Variants in GLI2 observed in about 807,000 individuals in gnomAD.
The protein encoded by GLI2 is GLI family zinc finger 2, also known as transcription activator GLI2.
A neutral mutation model predicts 78.9 loss-of-function variants in GLI2; 22 were observed. The observed-to-expected ratio is 0.28, with a 90% CI of 0.20 to 0.40. The LOEUF (loss-of-function observed/expected upper bound fraction) is 0.40. Among genes scored for constraint, GLI2 ranks in the 10% least tolerant of loss-of-function variants. GLI2 has a pLI of 1.00. For synonymous variants in GLI2, 974 were observed against 963.7 expected, an observed-to-expected ratio of 1.01 and a Z score of -0.20; for missense variants, 2,097 against 2,213.2, an observed-to-expected ratio of 0.95 and a Z score of 1.05.
chr2:120,921,622 A>G (rs1005831529), intron 2 of GLI2, among the ~76,000 whole-genome samples: 5 of 152,202 alleles, frequency 3.3e-5, no homozygotes, highest in Non-Finnish European at 1.5e-5. Flanking sequence ...CCAAAGTCCC[A>G]TGGCCACCTA....
At chr2:120,931,587 A>G (rs1402463155) in intron 3 of GLI2, among the ~76,000 whole-genome samples, 1 of 152,238 alleles carries the variant, frequency 6.6e-6, no homozygotes, top group African/African-American at 2.4e-5. Context: ...CAGCCTGTAG[A>G]ATACAGTAAA....
chr2:120,920,735 G>A (rs1679330994), intron 2 of GLI2, among the ~76,000 whole-genome samples: 1 of 151,478 alleles, frequency 6.6e-6, no homozygotes, highest in Non-Finnish European at 1.5e-5. Context: ...CCAGAGGGGA[G>A]TGATGATCCA....
intron 2 of GLI2, among the ~76,000 whole-genome samples, chr2:120,855,666 CAGGCACTGCTT>C (rs543870745): frequency 9.7e-4 from 148 of 152,346 alleles, no homozygotes; most frequent in East Asian, 4.6e-3. Flanking sequence ...CTTAGGGTTC[CAGGCACTGCTT>C]GGTTTTCCAT....
At chr2:120,820,767 T>C (rs1229887978) in intron 2 of GLI2, among the ~76,000 whole-genome samples, 1 of 152,112 alleles carries the variant, frequency 6.6e-6, no homozygotes, top group African/African-American at 2.4e-5. Flanking sequence ...GGAAGGGGAC[T>C]GACTTCTTTA....
intron 11 of GLI2, among the ~76,000 whole-genome samples, chr2:120,984,195 T>C (rs1025278328): frequency 2.6e-5 from 4 of 152,106 alleles, no homozygotes; most frequent in African/African-American, 9.7e-5. Context: ...AGCATTGTGA[T>C]TACACGAGGC....
intron 1 of GLI2, among the ~76,000 whole-genome samples, chr2:120,786,355 C>T (rs1013982218): frequency 2.0e-5 from 3 of 152,116 alleles, no homozygotes; most frequent in African/African-American, 7.2e-5. Context: ...CCTTGATCTG[C>T]AGACATCTCC....
chr2:120,877,575 G>T (rs1015047739), intron 2 of GLI2, among the ~76,000 whole-genome samples: 3 of 152,156 alleles, frequency 2.0e-5, no homozygotes, highest in African/African-American at 7.2e-5. Context: ...ACTTCTGAGA[G>T]CATAGCTTGG....
intron 1 of GLI2, 149 bp from the exon 2 acceptor site, chr2:120,797,142 T>G: frequency 1.4e-6 from 1 of 698,808 alleles, no homozygotes; most frequent in Non-Finnish European, 2.5e-6. Flanking sequence ...CTAATAATTC[T>G]CAAAATTAAT....
At chr2:120,760,030 G>A (rs1683166904) in intron 1 of GLI2, among the ~76,000 whole-genome samples, 1 of 152,248 alleles carries the variant, frequency 6.6e-6, no homozygotes, top group South Asian at 2.1e-4. Flanking sequence ...CTTGGATGAG[G>A]GAGGGGCTTT....
chr2:120,850,903 G>C (rs1216943562), intron 2 of GLI2, among the ~76,000 whole-genome samples: 1 of 152,120 alleles, frequency 6.6e-6, no homozygotes, highest in Non-Finnish European at 1.5e-5. Context: ...ATCAAAACGT[G>C]GTATTTTAAT....
At chr2:120,855,144 T>G (rs892257102) in intron 2 of GLI2, among the ~76,000 whole-genome samples, 1 of 152,140 alleles carries the variant, frequency 6.6e-6, no homozygotes, top group Non-Finnish European at 1.5e-5. Context: ...ACATGCAAAC[T>G]CACAGAAATA....
intron 3 of GLI2, among the ~76,000 whole-genome samples, chr2:120,936,576 A>G (rs1357637627): frequency 6.6e-6 from 1 of 152,192 alleles, no homozygotes; most frequent in Non-Finnish European, 1.5e-5. Context: ...CTCAGAGAGG[A>G]AAGAGAGTCT....
chr2:120,843,641 C>G (rs1297337156), intron 2 of GLI2, among the ~76,000 whole-genome samples: 1 of 152,084 alleles, frequency 6.6e-6, no homozygotes, highest in African/African-American at 2.4e-5. Context: ...CAGAGGGGCT[C>G]TGGATCAGGG....
chr2:120,944,738 G>T (rs573983262), intron 3 of GLI2, among the ~76,000 whole-genome samples: 5 of 152,272 alleles, frequency 3.3e-5, no homozygotes, highest in African/African-American at 9.6e-5. Flanking sequence ...CTCTGCAACC[G>T]TGGGCAAGTC....
chr2:120,827,232 C>T (rs1034736297), intron 2 of GLI2, among the ~76,000 whole-genome samples: 10 of 152,180 alleles, frequency 6.6e-5, no homozygotes, highest in South Asian at 4.1e-4. Flanking sequence ...CAGCCAAACC[C>T]GAGTGTCTGC....
At chr2:120,780,081 T>G (rs1427179418) in intron 1 of GLI2, among the ~76,000 whole-genome samples, 2 of 151,994 alleles carry the variant, frequency 1.3e-5, no homozygotes, top group African/African-American at 2.4e-5. Flanking sequence ...TTTTTCTTCA[T>G]GGCACATAAA....
At chr2:120,814,714 G>GCTCCTT (rs1685412947) in intron 2 of GLI2, among the ~76,000 whole-genome samples, 1 of 152,174 alleles carries the variant, frequency 6.6e-6, no homozygotes. Flanking sequence ...TAGGTTGCGT[G>GCTCCTT]CTCCTTATGA....
At chr2:120,780,687 G>A (rs952354067) in intron 1 of GLI2, among the ~76,000 whole-genome samples, 1 of 152,340 alleles carries the variant, frequency 6.6e-6, no homozygotes. Context: ...GCCTGGAGAC[G>A]TTAAGCCTGC....
chr2:120,949,113 G>T (rs1408263331), intron 3 of GLI2, among the ~76,000 whole-genome samples: 1 of 152,150 alleles, frequency 6.6e-6, no homozygotes, highest in Non-Finnish European at 1.5e-5. Context: ...TGCAGTCACA[G>T]GCTGGAGCCC....
Sources: gnomAD v4.1 joint callset for allele counts (sites outside exome capture counted in the v4.1 genomes callset) on GRCh38, gnomAD v4.1.1 for gene constraint, MANE v1.5 for transcripts, NCBI Gene and HGNC (gene_info 2026-07-23, HGNC 2026-07-21) for gene names.